FBXO22: variants seen among roughly 807,000 people sequenced by gnomAD.
FBXO22 encodes F-box protein 22, also known as F-box only protein 22.
A neutral mutation model predicts 37.2 loss-of-function variants in FBXO22; 13 were observed. That is an observed-to-expected ratio of 0.35 (90% CI 0.23 to 0.56). FBXO22 has a LOEUF of 0.56. Ranked by LOEUF, FBXO22 falls within the 20% of genes least tolerant of loss-of-function variation. FBXO22 has a pLI of 0.87. For missense variants in FBXO22, 446 were observed against 509.9 expected (o/e 0.87, Z 1.21); for synonymous variants, 189 against 189.1 (o/e 1.00, Z 0.00).
chr15:75,928,247 G>A (rs1256122735), intron 5 of FBXO22, among the ~76,000 whole-genome samples: 1 of 151,988 alleles, frequency 6.6e-6, no homozygotes, highest in Admixed American at 6.6e-5. Context: ...TCCTATTACT[G>A]GGTATATATT....
At chr15:75,904,938 C>T (rs1290268922) in intron 2 of FBXO22, among the ~76,000 whole-genome samples, 4 of 151,868 alleles carry the variant, frequency 2.6e-5, no homozygotes, top group Non-Finnish European at 5.9e-5. Flanking sequence ...ATTCTCCTGC[C>T]TCAGCCTCCC....
intron 2 of FBXO22, among the ~76,000 whole-genome samples, chr15:75,907,943 C>CA (rs916028160): frequency 5.7e-4 from 82 of 143,464 alleles, no homozygotes; most frequent in East Asian, 4.0e-4. Flanking sequence ...GACTGTGTCT[C>CA]AAAAAAAAAA....
chr15:75,905,724 A>G (rs76636379), intron 2 of FBXO22: 1 of 152,282 alleles, frequency 6.6e-6, no homozygotes, highest in East Asian at 1.9e-4. Context: ...GATTTTTCCC[A>G]ATCTTGACAC....
chr15:75,912,756 C>T (rs1307209638), intron 2 of FBXO22, among the ~76,000 whole-genome samples: 1 of 152,150 alleles, frequency 6.6e-6, no homozygotes, highest in Non-Finnish European at 1.5e-5. Context: ...TTTCTTGTCT[C>T]TATCTCCTTC....
chr15:75,916,929 T>C (rs980395481), intron 4 of FBXO22, among the ~76,000 whole-genome samples: 10 of 152,304 alleles, frequency 6.6e-5, no homozygotes, highest in Admixed American at 5.2e-4. Flanking sequence ...TTGAAAAATA[T>C]GGAGAAGTTG....
At position 75,940,418 on chromosome 15, in the gene FBXO22, T is replaced by G. The variant is rs892285577; in HGVS notation, c.*7316T>G. On this transcript the variant is annotated 3_prime_UTR_variant, in exon 7 of 7. Transcript: ENST00000308275. The stretch of plus-strand genomic sequence containing the variant: ...TATGTCAGTACTACTCAAAGTGATG[T>G]GCAGATTCACTACAGTCTCTATCAG... The G allele has an allele frequency of 4.0e-5, 6 of 151,616 alleles. No homozygotes were observed. Among genetic ancestry groups the G allele is most frequent in the Non-Finnish European group, 7.4e-5 (5 of 67,894 alleles). 9.4% of individuals were successfully genotyped at this position (151,616 alleles called of 1,614,324 possible).
chr15:75,920,909 A>G (rs938521597), intron 5 of FBXO22, among the ~76,000 whole-genome samples: 1 of 152,228 alleles, frequency 6.6e-6, no homozygotes, highest in Non-Finnish European at 1.5e-5. Flanking sequence ...CATTCCAGAA[A>G]AGGTATGAAG....
At chr15:75,906,179 GT>G (rs1899925916) in intron 2 of FBXO22, among the ~76,000 whole-genome samples, 1 of 151,994 alleles carries the variant, frequency 6.6e-6, no homozygotes, top group South Asian at 2.1e-4. Context: ...CACTTTTCTT[GT>G]TTTCTGGCAC....
chr15:75,911,327 A>G (rs920105990), intron 2 of FBXO22, among the ~76,000 whole-genome samples: 9 of 152,120 alleles, frequency 5.9e-5, no homozygotes, highest in Non-Finnish European at 1.5e-5. Context: ...TGATGGGGAT[A>G]GCATTGAATC....
intron 2 of FBXO22, among the ~76,000 whole-genome samples, chr15:75,907,129 G>A (rs1198657371): frequency 6.6e-6 from 1 of 152,126 alleles, no homozygotes; most frequent in East Asian, 1.9e-4. Flanking sequence ...ATAGCTTTAA[G>A]AGTTTATACA....
chr15:75,920,548 A>G (rs1720041167), intron 5 of FBXO22, among the ~76,000 whole-genome samples: 1 of 152,172 alleles, frequency 6.6e-6, no homozygotes, highest in African/African-American at 2.4e-5. Flanking sequence ...TCAGGCTGGT[A>G]TGGTGGCTCA....
rs1480563061 is a variant in FBXO22 at position 75,903,926 on chromosome 15, G to A, written c.-38G>A. 1 of 1,473,356 alleles carries A rather than the reference G, an allele frequency of 6.8e-7. No individual in the cohort carries two copies. 91.3% of individuals were successfully genotyped at this position (1,473,356 alleles called of 1,614,324 possible). On this transcript the variant is annotated 5_prime_UTR_variant, in exon 1 of 7. Coordinates refer to ENST00000308275, the MANE Select transcript of FBXO22 (RefSeq NM_147188.3). ...TATGCTGGCGTAATCGGGTTCCTCC[G>A]AGCCGCCGTAGGACTGGTTCCGGCG...
intron 6 of FBXO22, 65 bp from the exon 7 acceptor site, chr15:75,932,620 T>G: frequency 1.4e-6 from 2 of 1,458,230 alleles, no homozygotes; most frequent in Non-Finnish European, 1.8e-6. Flanking sequence ...ATCAGGAGGA[T>G]TTTGCTTCTA....
Position 75,904,004 on chromosome 15 carries a change from C to G in FBXO22, c.41C>G (p.Ser14Cys), listed in dbSNP as rs764239822. The change falls in exon 1 of 7, where the codon TCC (serine) becomes TGC (cysteine). Residue 14 changes from serine to cysteine, a missense_variant. Physicochemically the swap from Ser to Cys is moderately radical, Grantham distance 112. Coordinates refer to ENST00000308275, the MANE Select transcript of FBXO22 (RefSeq NM_147188.3). ...VGCCGECRGS[S>C]VDPRSTFVLS... ...TGCTGCGGCGAGTGCCGCGGCTCCT[C>G]CGTAGACCCGCGGAGCACCTTCGTG... is the stretch of plus-strand genomic sequence containing the variant. 5 of 1,581,382 alleles carry G rather than the reference C, an allele frequency of 3.2e-6. No individual in the cohort carries two copies. Among genetic ancestry groups the G allele is most frequent in the South Asian group, 1.2e-5 (1 of 86,664 alleles).
intron 6 of FBXO22, among the ~76,000 whole-genome samples, chr15:75,931,130 G>A (rs2029993514): frequency 6.6e-6 from 1 of 152,016 alleles, no homozygotes; most frequent in Non-Finnish European, 1.5e-5. Context: ...AACTTAAATT[G>A]TGTACGGATA....
chr15:75,920,097 C>T (rs553849768), intron 5 of FBXO22, among the ~76,000 whole-genome samples: 2 of 152,264 alleles, frequency 1.3e-5, no homozygotes, highest in Admixed American at 1.3e-4. Context: ...AAAACTGACC[C>T]ATTGTTAAGT....
At chr15:75,931,667 A>G (rs1417926170) in intron 6 of FBXO22, among the ~76,000 whole-genome samples, 1 of 152,212 alleles carries the variant, frequency 6.6e-6, no homozygotes, top group African/African-American at 2.4e-5. Context: ...AGCATGATAC[A>G]ATACTTGTTT....
chr15:75,912,501 G>T (rs550132558), intron 2 of FBXO22, among the ~76,000 whole-genome samples: 3 of 152,088 alleles, frequency 2.0e-5, no homozygotes, highest in Non-Finnish European at 4.4e-5. Flanking sequence ...GTGTTGGAAG[G>T]GGGTATGTGT....
rs2030978779 is a variant in FBXO22, at chr15:75,941,754, A to T, written c.*8652A>T. 1 of 152,138 alleles carries T rather than the reference A, an allele frequency of 6.6e-6. No homozygotes were observed. The highest frequency in any genetic ancestry group is 1.5e-5 in the Non-Finnish European group (1 of 68,006). The allele number at this position is 152,138 out of a possible 1,614,324, so 9.4% of individuals were successfully genotyped here. A position where few individuals can be genotyped will look rare whatever the true frequency, so the allele number is the denominator to read the frequency against. On this transcript the variant is annotated 3_prime_UTR_variant, in exon 7 of 7. Coordinates refer to ENST00000308275, the MANE Select transcript of FBXO22 (RefSeq NM_147188.3). ...AAGATTACGTTTTGTCACAGGGAGC[A>T]GGAGGGAATGGGAATTTATTGTTTA... is the stretch of plus-strand genomic sequence containing the variant.
Sources: allele counts gnomAD v4.1 joint callset (sites outside exome capture counted in the v4.1 genomes callset), GRCh38; gene constraint gnomAD v4.1.1; transcripts MANE v1.5; gene names NCBI Gene and HGNC (gene_info 2026-07-23, HGNC 2026-07-21).